CPZ: variants seen among roughly 807,000 people sequenced by gnomAD.
The protein encoded by CPZ is carboxypeptidase Z.
A neutral mutation model predicts 61.8 loss-of-function variants in CPZ; 103 were observed. The ratio of observed to expected loss-of-function variants is 1.67; its 90% CI spans 1.42 to 1.96. CPZ has a LOEUF of 1.96. Among genes scored for constraint, CPZ ranks in the 30% most tolerant of loss-of-function variants. The pLI is 0.00. For missense variants in CPZ, 1,461 were observed against 914.9 expected (o/e 1.60, Z -7.70); for synonymous variants, 551 against 373.7 (o/e 1.47, Z -5.47).
chr4:8,601,619 G>A, intron 3 of CPZ, 122 bp downstream of exon 3: 1 of 1,134,728 alleles, frequency 8.8e-7, no homozygotes, highest in Non-Finnish European at 1.2e-6. Flanking sequence ...GGCATTGGTA[G>A]AGGGCGGGGC....
intron 9 of CPZ, among the ~76,000 whole-genome samples, chr4:8,617,209 T>TG (rs1170813586): frequency 1.3e-5 from 2 of 152,334 alleles, no homozygotes; most frequent in East Asian, 3.9e-4. Flanking sequence ...TTCACATGCT[T>TG]GCTGAAATCA....
chr4:8,601,792 G>A (rs1380592300), intron 3 of CPZ, among the ~76,000 whole-genome samples: 2 of 152,144 alleles, frequency 1.3e-5, no homozygotes, highest in Non-Finnish European at 2.9e-5. Context: ...TGGGGGCAGT[G>A]CCCCCGCCCA....
Position 8,601,464 on chromosome 4 carries a change from GA to G in CPZ, c.464del (p.Glu155GlyfsTer43). On this transcript the variant is annotated frameshift_variant, in exon 3 of 11. Transcript: ENST00000360986. LOFTEE classifies it high-confidence loss of function. ...CCACCGCTACTTCACGAGAGAGGAC[GA>G]GGGCTGCTATGACCCGCTGGAGAAG... ...DCHRYFTRED[E>X]GCYDPLEKLR... 1 of 1,519,806 alleles carries G rather than the reference GA, an allele frequency of 6.6e-7. No homozygotes were observed. 94.1% of individuals were successfully genotyped at this position (1,519,806 alleles called of 1,614,324 possible). A position where few individuals can be genotyped will look rare whatever the true frequency, so the allele number is the denominator to read the frequency against.
chr4:8,611,699 C>A (rs1715709484), intron 7 of CPZ, among the ~76,000 whole-genome samples: 1 of 152,162 alleles, frequency 6.6e-6, no homozygotes, highest in Admixed American at 6.5e-5. Flanking sequence ...TGCACACACC[C>A]TGTGGACACC....
chr4:8,603,848 G>T (rs1714749713), intron 3 of CPZ, 128 bp from the exon 4 acceptor site: 2 of 785,490 alleles, frequency 2.5e-6, no homozygotes, highest in South Asian at 3.2e-5. Flanking sequence ...TCTAATTAAA[G>T]ATAGAGATGT....
chr4:8,614,470 A>C lies in CPZ; in HGVS notation c.1475A>C (p.Lys492Thr). Residue 492 changes from lysine to threonine, a missense_variant, in exon 9 of 11, where the codon AAG (lysine) becomes ACG (threonine). Physicochemically the swap from Lys to Thr is moderately conservative, Grantham distance 78. Transcript: ENST00000360986. ...CTGTACATACTCTGGCAGCACAACA[A>C]GGAGTCACTCCTGAATTTCGTGGAG... ...EALYILWQHN[K>T]ESLLNFVETV... 1 of 1,613,866 alleles carries C rather than the reference A, an allele frequency of 6.2e-7. No homozygotes were observed. The highest frequency in any genetic ancestry group is 1.1e-5 in the South Asian group (1 of 91,066).
At chr4:8,599,556 T>C (rs1371805909) in intron 2 of CPZ, 71 bp downstream of exon 2, 6 of 1,596,836 alleles carry the variant, frequency 3.8e-6, no homozygotes, top group Admixed American at 3.5e-5. Context: ...CAGAGCACTT[T>C]AGGCAGCTGA....
At chr4:8,609,201 C>CATTG (rs1715384618) in intron 7 of CPZ, among the ~76,000 whole-genome samples, 1 of 107,850 alleles carries the variant, frequency 9.3e-6, no homozygotes, top group African/African-American at 3.1e-5. Flanking sequence ...CTCACTCCCT[C>CATTG]ACTCACTTAC....
chr4:8,603,661 C>T (rs1035405564), intron 3 of CPZ: 7 of 428,112 alleles, frequency 1.6e-5, no homozygotes, highest in Non-Finnish European at 2.9e-5. Context: ...CTTGGGGGGT[C>T]CAGGACCCCA....
intron 7 of CPZ, among the ~76,000 whole-genome samples, chr4:8,610,545 C>A (rs1251186826): frequency 3.9e-5 from 6 of 152,162 alleles, no homozygotes; most frequent in Admixed American, 2.6e-4. Flanking sequence ...CTCCTACCCC[C>A]CGAGGCTACA....
chr4:8,605,891 C>G, intron 4 of CPZ, 98 bp from the exon 5 acceptor site: 5 of 1,216,000 alleles, frequency 4.1e-6, no homozygotes, highest in Non-Finnish European at 5.9e-6. Flanking sequence ...TGAATTGGTC[C>G]CAGCCCATCT....
rs534272497 is a variant in CPZ, at chr4:8,619,140, G to C, written c.1604-122G>C. 6.0e-5 allele frequency: 47 copies of C among 780,560 alleles called. No homozygotes were observed. In the Middle Eastern group the frequency reaches 1.1e-3, roughly 17 times the overall value. 48.4% of individuals were successfully genotyped at this position (780,560 alleles called of 1,614,324 possible). On this transcript the variant is annotated intron_variant, in intron 10 of 10. Transcript: ENST00000360986. ...AAGGACGTTCCAGGCCCACACAGAGGCAAGTGCACATTTGGCGCCTGCCTC... is the reference window on the plus strand; with the variant it reads ...AAGGACGTTCCAGGCCCACACAGAGCCAAGTGCACATTTGGCGCCTGCCTC...
chr4:8,607,015 T>A, intron 6 of CPZ, 117 bp downstream of exon 6: 1 of 1,237,558 alleles, frequency 8.1e-7, no homozygotes, highest in Admixed American at 2.6e-5. Context: ...GCTCCCTCCC[T>A]GCCTCAGTTA....
chr4:8,596,176 C>CGA (rs1560288183), intron 1 of CPZ, among the ~76,000 whole-genome samples: 1 of 152,084 alleles, frequency 6.6e-6, no homozygotes, highest in Non-Finnish European at 1.5e-5. Context: ...CTCAGCCTCC[C>CGA]GAGTAGCTGG....
At chr4:8,612,279 G>C in intron 8 of CPZ, 117 bp downstream of exon 8, 2 of 903,702 alleles carry the variant, frequency 2.2e-6, no homozygotes, top group Non-Finnish European at 3.2e-6. Flanking sequence ...GAGCCCGGAA[G>C]ACAGGGCGAT....
chr4:8,614,548 G>C (rs951946498), intron 9 of CPZ, 50 bp downstream of exon 9: 2 of 1,592,212 alleles, frequency 1.3e-6, no homozygotes, highest in Non-Finnish European at 1.7e-6. Context: ...CCTGGGTGGG[G>C]TGGGTCACAT....
chr4:8,611,013 CATTCACT>C, intron 7 of CPZ: 1 of 326,328 alleles, frequency 3.1e-6, no homozygotes, highest in African/African-American at 2.9e-5. Context: ...TTCACTCACT[CATTCACT>C]CATTCCCTCA....
intron 7 of CPZ, among the ~76,000 whole-genome samples, chr4:8,608,646 G>GTGTGTGTGTATGCC (rs764702901): frequency 1.3e-5 from 2 of 151,514 alleles, no homozygotes; most frequent in Non-Finnish European, 3.0e-5. Context: ...GTGCACGTGT[G>GTGTGTGTGTATGCC]TGCGTGTGCA....
In CPZ at chr4:8,612,134, C is replaced by T. The variant is rs754721390; in HGVS notation, c.1335C>T (p.Asn445=). 51 of 1,418,022 alleles carry T rather than the reference C, an allele frequency of 3.6e-5. No individual in the cohort carries two copies. Among genetic ancestry groups the T allele is most frequent in the African/African-American group, 2.5e-4 (16 of 64,160 alleles). 87.8% of individuals were successfully genotyped at this position (1,418,022 alleles called of 1,614,324 possible). A position where few individuals can be genotyped will look rare whatever the true frequency, so the allele number is the denominator to read the frequency against. The change falls in exon 8 of 11, where the codon AAC becomes AAT. Residue 445 remains asparagine (N), a synonymous_variant. Coordinates refer to ENST00000360986, the MANE Select transcript of CPZ (RefSeq NM_001014447.3). The part of the protein sequence containing the change: ...GNFLKRGSII[N]GADWYSFTGG... ...TCCTGAAGAGGGGGAGCATCATCAA[C>T]GGGGCGGACTGGTACAGCTTCACGG...
Sources: gnomAD v4.1 joint callset for allele counts (sites outside exome capture counted in the v4.1 genomes callset) on GRCh38, gnomAD v4.1.1 for gene constraint, MANE v1.5 for transcripts, NCBI Gene and HGNC (gene_info 2026-07-23, HGNC 2026-07-21) for gene names.